Variants in LPP observed in about 807,000 individuals in gnomAD.
LPP encodes the protein LIM domain containing preferred translocation partner in lipoma.
Under a neutral mutation model 60.4 loss-of-function variants are expected in LPP, and 38 were observed. The observed-to-expected ratio is 0.63, with a 90% CI of 0.49 to 0.83. The LOEUF is 0.83. LPP is among the 40% of genes least tolerant of loss of function. LPP has a pLI of 0.00. For missense variants in LPP, 902 were observed against 783.6 expected (o/e 1.15, Z -1.80); for synonymous variants, 328 against 290.8 (o/e 1.13, Z -1.30).
intron 2 of LPP, among the ~76,000 whole-genome samples, chr3:188,312,259 G>A (rs1248316961): frequency 1.3e-5 from 2 of 151,778 alleles, no homozygotes; most frequent in African/African-American, 2.4e-5. Flanking sequence ...TGTTATTAGC[G>A]ACTCTAAACA....
intron 6 of LPP, among the ~76,000 whole-genome samples, chr3:188,589,056 A>C (rs540888791): frequency 6.6e-6 from 1 of 152,154 alleles, no homozygotes; most frequent in East Asian, 1.9e-4. Context: ...TCCCTACTAC[A>C]AAAAGCTCAG....
intron 9 of LPP, among the ~76,000 whole-genome samples, chr3:188,778,309 T>C (rs1185488163): frequency 6.6e-6 from 1 of 152,224 alleles, no homozygotes; most frequent in Non-Finnish European, 1.5e-5. Context: ...TTTGGTCATA[T>C]ATTACAAATG....
At chr3:188,485,784 G>A (rs901770410) in intron 5 of LPP, among the ~76,000 whole-genome samples, 13 of 33,026 alleles carry the variant, frequency 3.9e-4, no homozygotes, top group South Asian at 7.2e-4. Flanking sequence ...GCGACAGAGC[G>A]AGACTCCGTC....
At chr3:188,532,673 G>A (rs186912882) in intron 6 of LPP, among the ~76,000 whole-genome samples, 2 of 152,130 alleles carry the variant, frequency 1.3e-5, no homozygotes, top group Non-Finnish European at 2.9e-5. Context: ...CATGTTACCA[G>A]TTTGTGCTTC....
intron 1 of LPP, among the ~76,000 whole-genome samples, chr3:188,173,479 G>A (rs1057417816): frequency 2.0e-5 from 3 of 151,632 alleles, no homozygotes; most frequent in African/African-American, 7.3e-5. Flanking sequence ...ACTCCAGCCT[G>A]GGCAACAGAG....
At chr3:188,484,445 AT>A (rs1805725238) in intron 4 of LPP, 146 bp from the exon 5 acceptor site, 3 of 595,234 alleles carry the variant, frequency 5.0e-6, no homozygotes, top group Non-Finnish European at 6.0e-6. Flanking sequence ...AAGGCTACTA[AT>A]TAAACTAAGA....
At chr3:188,796,502 G>A (rs1396419312) in intron 9 of LPP, among the ~76,000 whole-genome samples, 1 of 152,164 alleles carries the variant, frequency 6.6e-6, no homozygotes, top group East Asian at 1.9e-4. Flanking sequence ...GCAACATCAT[G>A]AGTAAGTGAC....
At chr3:188,242,220 A>G (rs1725193114) in intron 2 of LPP, among the ~76,000 whole-genome samples, 1 of 152,168 alleles carries the variant, frequency 6.6e-6, no homozygotes, top group Admixed American at 6.5e-5. Flanking sequence ...TAGCATGGCT[A>G]ATGGCTAAAC....
chr3:188,717,487 C>A (rs1002664629), intron 8 of LPP, among the ~76,000 whole-genome samples: 1 of 151,932 alleles, frequency 6.6e-6, no homozygotes, highest in African/African-American at 2.4e-5. Context: ...AGATAAATGA[C>A]CTAATTAATG....
chr3:188,157,824 A>G (rs1392647252), intron 1 of LPP, among the ~76,000 whole-genome samples: 1 of 151,912 alleles, frequency 6.6e-6, no homozygotes, highest in Non-Finnish European at 1.5e-5. Context: ...CTGAACCTCT[A>G]GGAATGAGTA....
intron 6 of LPP, among the ~76,000 whole-genome samples, chr3:188,591,851 G>T (rs1011655067): frequency 4.6e-5 from 7 of 152,130 alleles, no homozygotes; most frequent in African/African-American, 1.4e-4. Flanking sequence ...AGACAACAAG[G>T]CTTTTTGAAT....
chr3:188,300,117 G>T (rs1749270901), intron 2 of LPP, among the ~76,000 whole-genome samples: 1 of 152,058 alleles, frequency 6.6e-6, no homozygotes, highest in Non-Finnish European at 1.5e-5. Flanking sequence ...TAACCCTAAT[G>T]AGTCCATCAT....
Position 188,406,138 on chromosome 3 carries a change from G to A in LPP, c.18G>A (p.Trp6Ter). 1 of 1,612,342 alleles carries A rather than the reference G, an allele frequency of 6.2e-7. No homozygotes were observed. Among genetic ancestry groups the A allele is most frequent in the East Asian group, 2.2e-5 (1 of 44,842 alleles). ...TTCCAACAATGTCTCACCCATCTTGGCTGCCACCCAAAAGCACTGGTGAGC... is the reference window on the plus strand; with the variant it reads ...TTCCAACAATGTCTCACCCATCTTGACTGCCACCCAAAAGCACTGGTGAGC... The part of the protein sequence containing the change: MSHPS[W>*]LPPKSTGEPL... Residue 6 changes from tryptophan (W) to a stop codon, truncating the protein, a stop_gained, in exon 4 of 12, where the codon TGG (tryptophan) becomes TGA (stop). Coordinates refer to ENST00000617246, the MANE Select transcript of LPP (RefSeq NM_001375462.1). LOFTEE classifies it high-confidence loss of function.
At chr3:188,189,772 G>A (rs1375555919) in intron 1 of LPP, among the ~76,000 whole-genome samples, 2 of 152,182 alleles carry the variant, frequency 1.3e-5, no homozygotes, top group African/African-American at 2.4e-5. Context: ...CTCCAACTGT[G>A]AGCTCTGCCA....
chr3:188,452,074 A>G (rs1294783149), intron 4 of LPP, among the ~76,000 whole-genome samples: 1 of 152,124 alleles, frequency 6.6e-6, no homozygotes, highest in Non-Finnish European at 1.5e-5. Context: ...ATCTGGTTTC[A>G]GATTCTTTTA....
Position 188,406,255 on chromosome 3 carries a change from T to G in LPP, c.135T>G (p.Phe45Leu). 1 of 1,614,108 alleles carries G rather than the reference T, an allele frequency of 6.2e-7. No homozygotes were observed. The highest frequency in any genetic ancestry group is 8.5e-7 in the Non-Finnish European group (1 of 1,180,004). ...CTACACAACAGCCACCCAAAAAGTT[T>G]GCCCCGGTAGTTGCTCCAAAACCTA... ...SVSTQQPPKK[F>L]APVVAPKPKY... Residue 45 changes from phenylalanine (F) to leucine (L), a missense_variant, in exon 4 of 12, where the codon TTT becomes TTG. Physicochemically the swap from Phe to Leu is conservative, Grantham distance 22 (BLOSUM62 0). Transcript: ENST00000617246.
chr3:188,828,614 CAAAAAAA>C (rs71169022), intron 9 of LPP, among the ~76,000 whole-genome samples: 78 of 31,338 alleles, frequency 2.5e-3, no homozygotes, highest in South Asian at 5.0e-3. Flanking sequence ...AACTCTGTCT[CAAAAAAA>C]AAAAAAAAAA....
chr3:188,515,079 T>C (rs1816951375), intron 5 of LPP, among the ~76,000 whole-genome samples: 1 of 152,230 alleles, frequency 6.6e-6, no homozygotes, highest in Non-Finnish European at 1.5e-5. Flanking sequence ...TTATGTTCTA[T>C]GTTGACGTTT....
intron 2 of LPP, among the ~76,000 whole-genome samples, chr3:188,335,939 C>G (rs1761507350): frequency 6.6e-6 from 1 of 152,060 alleles, no homozygotes; most frequent in Non-Finnish European, 1.5e-5. Context: ...GGTGTGATGA[C>G]TTTGTTTCTG....
Sources: allele counts gnomAD v4.1 joint callset (sites outside exome capture counted in the v4.1 genomes callset), GRCh38; gene constraint gnomAD v4.1.1; transcripts MANE v1.5; gene names NCBI Gene and HGNC (gene_info 2026-07-23, HGNC 2026-07-21).